The following MAPKAPK5 variants were observed in gnomAD, a reference collection of about 807,000 sequenced individuals.
MAPKAPK5 encodes the protein MAPK activated protein kinase 5, also known as MAP kinase-activated protein kinase 5.
Under a neutral mutation model 65.1 loss-of-function variants are expected in MAPKAPK5, and 30 were observed. The ratio of observed to expected loss-of-function variants is 0.46; its 90% CI spans 0.34 to 0.63. The LOEUF (loss-of-function observed/expected upper bound fraction) is 0.63. Ranked by LOEUF, MAPKAPK5 falls within the 20% of genes least tolerant of loss-of-function variation. The probability of loss-of-function intolerance (pLI) is 0.01; values close to 1 mark genes in which losing one functional copy is unlikely to be tolerated. For synonymous variants in MAPKAPK5, 179 were observed against 204.6 expected (o/e 0.87, Z 1.07); for missense variants, 433 against 581.4 (o/e 0.74, Z 2.63).
At chr12:111,848,225 T>C (rs1176041292) in intron 1 of MAPKAPK5, among the ~76,000 whole-genome samples, 2 of 152,218 alleles carry the variant, frequency 1.3e-5, no homozygotes, top group Non-Finnish European at 2.9e-5. Context: ...CCTGTTTTTT[T>C]CTACCATCTT....
rs11066062 is a variant in MAPKAPK5 at position 111,883,143 on chromosome 12, C to T, written c.661-438C>T. On this transcript the variant is annotated intron_variant, in intron 8 of 13. Coordinates refer to ENST00000550735, the MANE Select transcript of MAPKAPK5 (RefSeq NM_003668.4). The surrounding 1 kb of genome is among the most constrained non-coding windows in gnomAD (Gnocchi z 4.8). ...ATCCCAGCACTTTGGGAGGCCAAGG[C>T]GGGCAGATCACGAGGTCAGGAGTTC... Among the ~76,000 whole-genome samples, 29,679 of 151,886 alleles carry T rather than the reference C, an allele frequency of 0.2. 3,105 individuals are homozygous for T. The highest frequency in any genetic ancestry group is 0.27 in the Middle Eastern group (80 of 294).
In MAPKAPK5 at chr12:111,886,111, G is replaced by GGTT. The variant is rs2070396885; in HGVS notation, c.969+76_969+78dup. 1.4e-5 allele frequency: 23 copies of GGTT among 1,604,534 alleles called. No individual in the cohort carries two copies. In the South Asian group the frequency reaches 2.3e-4, roughly 16 times the overall value. The stretch of plus-strand genomic sequence containing the variant: ...AATGCTGGGGCTTGGCTCAGTGAGG[G>GGTT]GTTAGAGGCAAAACAGTGCAGAGTA... On this transcript the variant is annotated intron_variant, in intron 10 of 13. Transcript: ENST00000550735.
intron 7 of MAPKAPK5, among the ~76,000 whole-genome samples, chr12:111,875,394 T>A (rs1287092335): frequency 2.6e-5 from 4 of 151,982 alleles, no homozygotes; most frequent in African/African-American, 4.8e-5. Flanking sequence ...TTTTTTAAAA[T>A]TTAAAAAAAA....
At chr12:111,874,789 T>C (rs2069905087) in intron 7 of MAPKAPK5, among the ~76,000 whole-genome samples, 1 of 148,064 alleles carries the variant, frequency 6.8e-6, no homozygotes, top group Admixed American at 6.7e-5. Flanking sequence ...TTTTTTTTTT[T>C]TTTGAGATGG....
intron 3 of MAPKAPK5, among the ~76,000 whole-genome samples, chr12:111,866,655 G>C (rs1230857815): frequency 6.6e-6 from 1 of 152,228 alleles, no homozygotes; most frequent in Non-Finnish European, 1.5e-5. Flanking sequence ...TGTTGCCCAG[G>C]CTGGAGTGCG....
intron 1 of MAPKAPK5, among the ~76,000 whole-genome samples, chr12:111,854,555 A>G (rs761619101): frequency 2.0e-5 from 3 of 152,196 alleles, no homozygotes; most frequent in Non-Finnish European, 4.4e-5. Flanking sequence ...GATTTTCAAT[A>G]TGAAATAAAA....
rs1174524718 is a variant in MAPKAPK5, at chr12:111,883,855, G to A, written c.848+87G>A. 39 of 1,368,650 alleles carry A rather than the reference G, an allele frequency of 2.8e-5. No individual in the cohort carries two copies. In the Admixed American group the frequency reaches 9.4e-4, roughly 33 times the overall value. 84.8% of individuals were successfully genotyped at this position (1,368,650 alleles called of 1,614,324 possible). On this transcript the variant is annotated intron_variant, in intron 9 of 13. Coordinates refer to ENST00000550735, the MANE Select transcript of MAPKAPK5 (RefSeq NM_003668.4). This position sits in a 1 kb window ranked among gnomAD's most constrained non-coding sequence, Gnocchi z 4.8. Reference sequence around the variant, plus strand: ...GAATGTGGGTAGAGAAAAGTCACTGGTTTCCTAGGCAGGCTCCTCCCCGTT... The same window carrying A: ...GAATGTGGGTAGAGAAAAGTCACTGATTTCCTAGGCAGGCTCCTCCCCGTT...
At chr12:111,877,178 C>CTCAGCCTCCCGA (rs1555272148) in intron 7 of MAPKAPK5, among the ~76,000 whole-genome samples, 2 of 152,074 alleles carry the variant, frequency 1.3e-5, no homozygotes, top group Non-Finnish European at 2.9e-5. Context: ...CCACCACGCC[C>CTCAGCCTCCCGA]GGCTAATTTT....
At chr12:111,873,270 T>C (rs562294763) in intron 7 of MAPKAPK5, among the ~76,000 whole-genome samples, 1 of 152,192 alleles carries the variant, frequency 6.6e-6, no homozygotes, top group African/African-American at 2.4e-5. Context: ...TGGTAAAATG[T>C]TTTTTACAAA....
At position 111,891,637 on chromosome 12, in the gene MAPKAPK5, CAAAAAA is replaced by C. The variant is rs78504500; in HGVS notation, c.1322-1315_1322-1310del. Among the ~76,000 whole-genome samples, 7 of 86,220 alleles carry C rather than the reference CAAAAAA, an allele frequency of 8.1e-5. No homozygotes were observed. In the South Asian group the frequency reaches 1.8e-3, roughly 22 times the overall value. The allele number at this position is 86,220 out of a possible 152,430, so 56.6% of individuals were successfully genotyped here. A position where few individuals can be genotyped will look rare whatever the true frequency, so the allele number is the denominator to read the frequency against. ...TGAAACCCCACCTCTACTAAAAATA[CAAAAAA>C]AAAAAAAAAAAAAATTAGCCGGGCA... On this transcript the variant is annotated intron_variant, in intron 13 of 13. Coordinates refer to ENST00000550735, the MANE Select transcript of MAPKAPK5 (RefSeq NM_003668.4).
At chr12:111,866,471 G>A (rs944839430) in intron 3 of MAPKAPK5, among the ~76,000 whole-genome samples, 1 of 152,100 alleles carries the variant, frequency 6.6e-6, no homozygotes, top group Non-Finnish European at 1.5e-5. Context: ...TGTGATTCTT[G>A]TACCCTCATG....
At chr12:111,851,187 C>T (rs578079541) in intron 1 of MAPKAPK5, among the ~76,000 whole-genome samples, 99 of 152,034 alleles carry the variant, frequency 6.5e-4, no homozygotes, top group Non-Finnish European at 8.2e-4. Flanking sequence ...CATGAGCCAC[C>T]GTGCCCGGCC....
At chr12:111,890,174 G>A (rs758189133) in intron 13 of MAPKAPK5, 30 bp downstream of exon 13, 1 of 1,435,410 alleles carries the variant, frequency 7.0e-7, no homozygotes. Flanking sequence ...CCCTTCCCCA[G>A]GAATGCAGAC....
At position 111,873,031 on chromosome 12, in the gene MAPKAPK5, AAGTT is replaced by A. The variant is rs532888585; in HGVS notation, c.579+1852_579+1855del. The stretch of plus-strand genomic sequence containing the variant: ...TTTCTTAATGGCCTTTGAATAGCAG[AAGTT>A]TTGAATTTTAATGAAGTCTGTTTCA... On this transcript the variant is annotated intron_variant, in intron 7 of 13. Coordinates refer to ENST00000550735, the MANE Select transcript of MAPKAPK5 (RefSeq NM_003668.4). Among the ~76,000 whole-genome samples the A allele has an allele frequency of 2.0e-3, 299 of 152,140 alleles. 1 individual carries two copies. Among genetic ancestry groups the A allele is most frequent in the Non-Finnish European group, 3.6e-3 (248 of 68,000 alleles).
chr12:111,845,755 T>C (rs1352333614), intron 1 of MAPKAPK5, among the ~76,000 whole-genome samples: 1 of 151,986 alleles, frequency 6.6e-6, no homozygotes, highest in Non-Finnish European at 1.5e-5. Context: ...GACCCCCGTC[T>C]CTACTAAAAA....
chr12:111,849,224 C>T (rs993015109), intron 1 of MAPKAPK5, among the ~76,000 whole-genome samples: 1 of 151,384 alleles, frequency 6.6e-6, no homozygotes, highest in African/African-American at 2.4e-5. Context: ...AGGATTACTG[C>T]ACCTGGCCAA....
Position 111,899,794 on chromosome 12 carries a change from A to G in MAPKAPK5, c.*6733A>G, listed in dbSNP as rs2070959530. On this transcript the variant is annotated 3_prime_UTR_variant, in exon 14 of 14. Transcript: ENST00000550735. ...ACATCCTCCTGATTAAGGAGGAAAA[A>G]TCTTACAGCATTGAGCCCATGGACT... The G allele has an allele frequency of 5.1e-6, 2 of 390,180 alleles. No homozygotes were observed. Among genetic ancestry groups the G allele is most frequent in the South Asian group, 1.8e-5 (1 of 54,682 alleles). 24.2% of individuals were successfully genotyped at this position (390,180 alleles called of 1,614,324 possible).
intron 1 of MAPKAPK5, among the ~76,000 whole-genome samples, chr12:111,853,452 C>T (rs1356172005): frequency 6.6e-6 from 1 of 151,882 alleles, no homozygotes; most frequent in Non-Finnish European, 1.5e-5. Flanking sequence ...CAGTTGATTT[C>T]TGTATGTTGA....
intron 1 of MAPKAPK5, among the ~76,000 whole-genome samples, chr12:111,856,999 A>G: frequency 6.6e-6 from 1 of 152,188 alleles, no homozygotes; most frequent in South Asian, 2.1e-4. Flanking sequence ...TATAATATGC[A>G]TCTTTAATTT....
Sources: allele counts gnomAD v4.1 joint callset (sites outside exome capture counted in the v4.1 genomes callset), GRCh38; gene constraint gnomAD v4.1.1; non-coding constraint Gnocchi (gnomAD v3.1); transcripts MANE v1.5; gene names NCBI Gene and HGNC (gene_info 2026-07-23, HGNC 2026-07-21).